Variants in SORCS2 observed in about 807,000 individuals in gnomAD.
SORCS2 encodes the protein VPS10 domain-containing receptor SorCS2.
Under a neutral mutation model 141.6 loss-of-function variants are expected in SORCS2, and 100 were observed. The ratio of observed to expected loss-of-function variants is 0.71; its 90% CI spans 0.60 to 0.83. SORCS2 has a LOEUF of 0.83. Ranked by LOEUF, SORCS2 falls within the 40% of genes least tolerant of loss-of-function variation. SORCS2 has a pLI of 0.00. For missense variants in SORCS2, 1,646 were observed against 1,560.2 expected (o/e 1.05, Z -0.93); for synonymous variants, 789 against 676.9 (o/e 1.17, Z -2.57).
At chr4:7,704,110 G>A in intron 13 of SORCS2, 67 bp from the exon 14 acceptor site, 1 of 1,468,764 alleles carries the variant, frequency 6.8e-7, no homozygotes, top group Non-Finnish European at 9.4e-7. Context: ...GGACCCGCCG[G>A]GCAGAGTCCC....
chr4:7,667,286 C>G, intron 8 of SORCS2, 73 bp downstream of exon 8: 1 of 1,397,858 alleles, frequency 7.2e-7, no homozygotes, highest in Non-Finnish European at 1.0e-6. Context: ...GGCAACAGGA[C>G]TCACACACAG....
chr4:7,518,821 C>A (rs1733148712), intron 2 of SORCS2, among the ~76,000 whole-genome samples: 1 of 152,202 alleles, frequency 6.6e-6, no homozygotes, highest in African/African-American at 2.4e-5. Context: ...CCCGGCCCCC[C>A]ATCAAACGCA....
intron 1 of SORCS2, among the ~76,000 whole-genome samples, chr4:7,312,282 G>A (rs908164987): frequency 1.3e-5 from 2 of 152,202 alleles, no homozygotes; most frequent in Non-Finnish European, 2.9e-5. Flanking sequence ...TGGTGTTATA[G>A]CTAAGAAAGC....
intron 2 of SORCS2, among the ~76,000 whole-genome samples, chr4:7,465,328 A>T (rs1729552444): frequency 6.6e-6 from 1 of 152,196 alleles, no homozygotes; most frequent in African/African-American, 2.4e-5. Context: ...AATTTAGCAG[A>T]AGGGCACACA....
At chr4:7,337,463 C>T (rs1217260324) in intron 1 of SORCS2, among the ~76,000 whole-genome samples, 1 of 152,094 alleles carries the variant, frequency 6.6e-6, no homozygotes, top group East Asian at 1.9e-4. Context: ...GAAGTTCAGG[C>T]AGAGGTCGGG....
intron 2 of SORCS2, among the ~76,000 whole-genome samples, chr4:7,448,004 C>T (rs950714736): frequency 1.3e-5 from 2 of 152,186 alleles, no homozygotes; most frequent in Non-Finnish European, 1.5e-5. Context: ...TGCTGCCGGC[C>T]TTGAATGTGT....
At chr4:7,404,502 C>T (rs57094722) in intron 2 of SORCS2, among the ~76,000 whole-genome samples, 5,786 of 152,162 alleles carry the variant, frequency 0.038, 157 homozygotes, top group Admixed American at 0.049. Flanking sequence ...TCCACATCCT[C>T]ACCAACATCT....
intron 3 of SORCS2, among the ~76,000 whole-genome samples, chr4:7,578,376 G>T (rs1414591326): frequency 6.6e-6 from 1 of 152,076 alleles, no homozygotes; most frequent in Non-Finnish European, 1.5e-5. Context: ...TAAGACAGGT[G>T]GGCAGACAGG....
chr4:7,529,375 A>G (rs142154608), intron 2 of SORCS2, among the ~76,000 whole-genome samples: 152 of 151,792 alleles, frequency 1.0e-3, no homozygotes, highest in African/African-American at 3.4e-3. Flanking sequence ...CTTATCGTCC[A>G]TCTGCCTCCT....
chr4:7,578,244 C>T (rs1715897242), intron 3 of SORCS2, among the ~76,000 whole-genome samples: 1 of 152,222 alleles, frequency 6.6e-6, no homozygotes, highest in Non-Finnish European at 1.5e-5. Context: ...GCCTGAGACC[C>T]TTACCAGATG....
intron 2 of SORCS2, among the ~76,000 whole-genome samples, chr4:7,444,853 G>A (rs1362556134): frequency 6.6e-6 from 1 of 152,270 alleles, no homozygotes; most frequent in African/African-American, 2.4e-5. Context: ...AACAGGATTT[G>A]TAGTTGGTTT....
chr4:7,514,854 A>G (rs1732878275), intron 2 of SORCS2, among the ~76,000 whole-genome samples: 1 of 152,018 alleles, frequency 6.6e-6, no homozygotes, highest in African/African-American at 2.4e-5. Flanking sequence ...CAGGGCCCCC[A>G]CCATCAATGG....
intron 1 of SORCS2, among the ~76,000 whole-genome samples, chr4:7,365,177 A>G (rs1339504638): frequency 6.6e-6 from 1 of 152,200 alleles, no homozygotes; most frequent in Non-Finnish European, 1.5e-5. Context: ...CAGCAGTGAG[A>G]GGCCACGGAG....
At chr4:7,526,709 G>A (rs764909188) in intron 2 of SORCS2, among the ~76,000 whole-genome samples, 17 of 152,278 alleles carry the variant, frequency 1.1e-4, no homozygotes, top group Non-Finnish European at 2.1e-4. Flanking sequence ...CTCACTGATT[G>A]TAAGAGCGAG....
intron 11 of SORCS2, among the ~76,000 whole-genome samples, chr4:7,692,986 A>G (rs1249030260): frequency 6.6e-6 from 1 of 152,162 alleles, no homozygotes; most frequent in African/African-American, 2.4e-5. Context: ...TTGAGAAGCA[A>G]AGACAAAAAC....
chr4:7,581,505 G>A (rs1436894095), intron 3 of SORCS2, among the ~76,000 whole-genome samples: 2 of 152,156 alleles, frequency 1.3e-5, no homozygotes, highest in African/African-American at 2.4e-5. Flanking sequence ...CGTATGTTAC[G>A]CATGTGGCTG....
chr4:7,414,984 G>A (rs774421851), intron 2 of SORCS2, among the ~76,000 whole-genome samples: 10 of 152,240 alleles, frequency 6.6e-5, no homozygotes, highest in African/African-American at 2.2e-4. Context: ...GAGTTTGTCC[G>A]GCTTTCCTAG....
chr4:7,703,788 C>T (rs1725238106), intron 13 of SORCS2, among the ~76,000 whole-genome samples: 1 of 152,200 alleles, frequency 6.6e-6, no homozygotes, highest in Non-Finnish European at 1.5e-5. Context: ...CCAGAAGGCA[C>T]AGCCGGAGCA....
chr4:7,210,515 G>A (rs1365594691), intron 1 of SORCS2, among the ~76,000 whole-genome samples: 1 of 152,100 alleles, frequency 6.6e-6, no homozygotes, highest in Non-Finnish European at 1.5e-5. Context: ...TCCTGGGCTC[G>A]AGGGATCTAT....
Sources: allele counts gnomAD v4.1 joint callset (sites outside exome capture counted in the v4.1 genomes callset), GRCh38; gene constraint gnomAD v4.1.1; transcripts MANE v1.5; gene names NCBI Gene and HGNC (gene_info 2026-07-23, HGNC 2026-07-21).